SCAMP1: variants seen among roughly 807,000 people sequenced by gnomAD.
SCAMP1 encodes secretory carrier-associated membrane protein 1.
SCAMP1 carries 15 observed loss-of-function variants against 41.8 expected under a neutral mutation model. The ratio of observed to expected loss-of-function variants is 0.36; its 90% confidence interval spans 0.24 to 0.55. SCAMP1 has a LOEUF of 0.55. Among genes scored for constraint, SCAMP1 ranks in the 20% least tolerant of loss-of-function variants. SCAMP1 has a pLI of 0.86. For missense variants in SCAMP1, 341 were observed against 412.6 expected (o/e 0.83, Z 1.50); for synonymous variants, 135 against 136.8 (o/e 0.99, Z 0.09).
intron 1 of SCAMP1, among the ~76,000 whole-genome samples, chr5:78,381,027 C>T (rs895470707): frequency 6.6e-6 from 1 of 151,666 alleles, no homozygotes; most frequent in Non-Finnish European, 1.5e-5. Context: ...GATCGTGCTA[C>T]GGCACTTCAG....
rs1018188254 is a variant in SCAMP1 at position 78,457,185 on chromosome 5, C to T, written c.735-2060C>T. On this transcript the variant is annotated intron_variant, in intron 7 of 8. Coordinates refer to ENST00000621999, the MANE Select transcript of SCAMP1 (RefSeq NM_004866.6). ...CGTCTGAAGCCTTCTTCTCTCAACT[C>T]GTCAAAGTCATTCTCCATCCAGCTT... is the stretch of plus-strand genomic sequence containing the variant. Among the ~76,000 whole-genome samples the T allele has an allele frequency of 2.0e-3, 298 of 152,170 alleles. 1 individual carries two copies. The highest frequency in any genetic ancestry group is 3.5e-3 in the Non-Finnish European group (239 of 68,024).
rs151241885 is a variant in SCAMP1, at chr5:78,447,298, A to C, written c.633-2635A>C. 3.4e-3 allele frequency among the ~76,000 whole-genome samples: 513 copies of C among 152,364 alleles called. 4 individuals are homozygous for C. Among genetic ancestry groups the C allele is most frequent in the African/African-American group, 0.012 (490 of 41,572 alleles). The stretch of plus-strand genomic sequence containing the variant: ...TGTAGAAATGTAAAAACCTTAAAAT[A>C]GTCAAGACAACTTTGAAAAAGAACA... On this transcript the variant is annotated intron_variant, in intron 6 of 8. Transcript: ENST00000621999.
At chr5:78,443,599 A>C (rs1354736111) in intron 6 of SCAMP1, among the ~76,000 whole-genome samples, 2 of 142,230 alleles carry the variant, frequency 1.4e-5, no homozygotes, top group African/African-American at 5.2e-5. Context: ...GAGAGTTCAG[A>C]GTCTCTTTCA....
At chr5:78,395,137 G>T (rs764113560) in intron 2 of SCAMP1, among the ~76,000 whole-genome samples, 5 of 152,152 alleles carry the variant, frequency 3.3e-5, no homozygotes, top group Admixed American at 1.3e-4. Context: ...ACCATCCACG[G>T]TTTGACTTCA....
At chr5:78,403,819 G>A (rs927251102) in intron 2 of SCAMP1, among the ~76,000 whole-genome samples, 3 of 151,866 alleles carry the variant, frequency 2.0e-5, no homozygotes, top group African/African-American at 7.3e-5. Context: ...TACAAAATTA[G>A]CTGGGTGTGG....
At chr5:78,370,523 C>G (rs1309551094) in intron 1 of SCAMP1, 1 of 152,238 alleles carries the variant, frequency 6.6e-6, no homozygotes, top group Non-Finnish European at 1.5e-5. Context: ...TAATCCCCTT[C>G]TCCTTGGCAT....
At chr5:78,424,355 A>G (rs540306677) in intron 6 of SCAMP1, among the ~76,000 whole-genome samples, 20 of 152,316 alleles carry the variant, frequency 1.3e-4, no homozygotes, top group Non-Finnish European at 2.4e-4. Flanking sequence ...TTTCAAATGT[A>G]TGTGTTTTTA....
chr5:78,418,919 T>G lies in SCAMP1; in HGVS notation c.472+16T>G, dbSNP rs1462389938. 2 of 1,543,204 alleles carry G rather than the reference T, an allele frequency of 1.3e-6. No homozygotes were observed. Among genetic ancestry groups the G allele is most frequent in the Admixed American group, 4.3e-5 (2 of 46,560 alleles). ...TTGTGGATGTGTGAGTATACAACAATTTACATCTTTGCTTAGAATTTGTAT... is the reference window on the plus strand; with the variant it reads ...TTGTGGATGTGTGAGTATACAACAAGTTACATCTTTGCTTAGAATTTGTAT... On this transcript the variant is annotated intron_variant, in intron 5 of 8. Transcript: ENST00000621999.
At chr5:78,385,987 T>C (rs1340257248) in intron 1 of SCAMP1, among the ~76,000 whole-genome samples, 1 of 152,182 alleles carries the variant, frequency 6.6e-6, no homozygotes, top group East Asian at 1.9e-4. Context: ...TAGGGTATAG[T>C]TTAAATCCAT....
intron 6 of SCAMP1, among the ~76,000 whole-genome samples, chr5:78,422,910 G>C (rs923997154): frequency 2.6e-4 from 40 of 152,176 alleles, no homozygotes; most frequent in African/African-American, 9.2e-4. Context: ...GTTGTTTAAA[G>C]GATATATTAG....
chr5:78,439,320 T>C (rs1485443797), intron 6 of SCAMP1, among the ~76,000 whole-genome samples: 2 of 149,274 alleles, frequency 1.3e-5, no homozygotes, highest in East Asian at 3.8e-4. Context: ...CGATGGCCTT[T>C]ACAATTTGGC....
chr5:78,402,079 G>A (rs924417491), intron 2 of SCAMP1, among the ~76,000 whole-genome samples: 4 of 151,566 alleles, frequency 2.6e-5, no homozygotes, highest in Admixed American at 6.6e-5. Flanking sequence ...TTTCTTCTCT[G>A]ACTTGTGTTA....
intron 6 of SCAMP1, among the ~76,000 whole-genome samples, chr5:78,435,899 C>T (rs539240308): frequency 2.0e-5 from 3 of 152,206 alleles, no homozygotes; most frequent in Admixed American, 6.5e-5. Context: ...TGTTTCCTGA[C>T]TTTTGAATGA....
At chr5:78,375,197 T>C (rs1050827011) in intron 1 of SCAMP1, among the ~76,000 whole-genome samples, 1 of 152,164 alleles carries the variant, frequency 6.6e-6, no homozygotes, top group Non-Finnish European at 1.5e-5. Flanking sequence ...AGCAGAGCTA[T>C]TGAAGAGTAT....
intron 8 of SCAMP1, among the ~76,000 whole-genome samples, chr5:78,460,807 C>A (rs11952578): frequency 3.8e-5 from 1 of 26,646 alleles, no homozygotes; most frequent in African/African-American, 1.0e-4. Flanking sequence ...CTTCCTTCCT[C>A]CCTTCCTTCC....
chr5:78,426,099 C>A (rs1454998096), intron 6 of SCAMP1, among the ~76,000 whole-genome samples: 1 of 152,138 alleles, frequency 6.6e-6, no homozygotes, highest in Non-Finnish European at 1.5e-5. Flanking sequence ...CCAGATTCCT[C>A]CATGTCCCTG....
chr5:78,380,958 T>C (rs1281047767), intron 1 of SCAMP1, among the ~76,000 whole-genome samples: 1 of 152,016 alleles, frequency 6.6e-6, no homozygotes, highest in East Asian at 1.9e-4. Context: ...CCCAGCTACT[T>C]GGGAGACTGA....
At chr5:78,452,950 T>C (rs868864720) in intron 7 of SCAMP1, among the ~76,000 whole-genome samples, 17 of 149,558 alleles carry the variant, frequency 1.1e-4, no homozygotes, top group African/African-American at 3.5e-4. Flanking sequence ...GATGAGCATT[T>C]TTTCATGTGT....
chr5:78,382,388 CACAT>C (rs1423785576), intron 1 of SCAMP1, among the ~76,000 whole-genome samples: 5 of 152,160 alleles, frequency 3.3e-5, no homozygotes, highest in African/African-American at 1.2e-4. Context: ...TTTATACACA[CACAT>C]ACATATACTA....
Sources: gnomAD v4.1 joint callset for allele counts (sites outside exome capture counted in the v4.1 genomes callset) on GRCh38, gnomAD v4.1.1 for gene constraint, MANE v1.5 for transcripts, NCBI Gene and HGNC (gene_info 2026-07-23, HGNC 2026-07-21) for gene names.